Variants in DNAJC2 observed in about 807,000 individuals in gnomAD.
DNAJC2 encodes the protein DnaJ heat shock protein family (Hsp40) member C2, also known as dnaJ homolog subfamily C member 2.
DNAJC2 carries 32 observed loss-of-function variants against 94.0 expected under a neutral mutation model. The ratio of observed to expected loss-of-function variants is 0.34; its 90% CI spans 0.26 to 0.46. The LOEUF (loss-of-function observed/expected upper bound fraction) is 0.46, where lower values mean the gene tolerates loss of function less well. Among genes scored for constraint, DNAJC2 ranks in the 20% least tolerant of loss-of-function variants. The pLI is 1.00. For synonymous variants in DNAJC2, 210 were observed against 229.7 expected, an observed-to-expected ratio of 0.91 and a Z score of 0.77; for missense variants, 550 against 719.5, an observed-to-expected ratio of 0.76 and a Z score of 2.69.
intron 15 of DNAJC2, chr7:103,314,225 T>C (rs1817919751): frequency 7.1e-6 from 7 of 985,298 alleles, no homozygotes; most frequent in Non-Finnish European, 7.2e-6. Flanking sequence ...GGAAAAAAGA[T>C]GGAAGTGACA....
chr7:103,313,847 T>G (rs1333635922), intron 15 of DNAJC2: 8 of 985,248 alleles, frequency 8.1e-6, no homozygotes, highest in Non-Finnish European at 8.4e-6. Context: ...GAATGTTAAG[T>G]GGTAGAAAGC....
intron 15 of DNAJC2, 79 bp from the exon 16 acceptor site, chr7:103,313,180 T>G: frequency 1.3e-6 from 2 of 1,486,330 alleles, no homozygotes; most frequent in Non-Finnish European, 1.8e-6. Flanking sequence ...AAGTATTCGC[T>G]AAGTGCCCAT....
In DNAJC2 at chr7:103,326,775, G is replaced by C. The variant is rs1010076294; in HGVS notation, c.431-91C>G. 3.9e-6 allele frequency: 5 copies of C among 1,296,936 alleles called. No individual in the cohort carries two copies. In the African/African-American group the frequency reaches 7.6e-5, roughly 20 times the overall value. 80.3% of individuals were successfully genotyped at this position (1,296,936 alleles called of 1,614,324 possible). A position where few individuals can be genotyped will look rare whatever the true frequency, so the allele number is the denominator to read the frequency against. On this transcript the variant is annotated intron_variant, in intron 4 of 16. Transcript: ENST00000379263. ...GTATTTCCCTCCTTAAAACATAGAA[G>C]TCATTAATTTTCATATTTGAAAATT...
chr7:103,339,407 G>A (rs1020071072), intron 2 of DNAJC2, among the ~76,000 whole-genome samples: 1 of 152,038 alleles, frequency 6.6e-6, no homozygotes, highest in Admixed American at 6.5e-5. Flanking sequence ...GTCTTTTCCC[G>A]ACTCTGCCTT....
rs1428378870 is a variant in DNAJC2 at position 103,332,150 on chromosome 7, A to G, written c.332-4396T>C. ...CTCCCGAGTAGCTGGGACTACAGGC[A>G]CCCGCCACCACGCCTGCCTAATTTT... is the stretch of plus-strand genomic sequence containing the variant. On this transcript the variant is annotated intron_variant, in intron 3 of 16. Transcript: ENST00000379263. Among the ~76,000 whole-genome samples the G allele has an allele frequency of 6.6e-5, 10 of 151,752 alleles. No homozygotes were observed. The East Asian group carries it at 1.6e-3, about 24-fold the overall frequency.
rs1230212089 is a variant in DNAJC2, at chr7:103,317,175, T to TATG, written c.1243-162_1243-161insCAT. On this transcript the variant is annotated intron_variant, in intron 12 of 16. Transcript: ENST00000379263. ...CCAAAAAGAAGCACCAGCTTTTCAC[T>TATG]CTGGCTTCCAGTCTGCATAGGTCTG... 6.2e-6 allele frequency: 4 copies of TATG among 641,168 alleles called. No homozygotes were observed. In the Admixed American group the frequency reaches 1.2e-4, roughly 20 times the overall value. 39.7% of individuals were successfully genotyped at this position (641,168 alleles called of 1,614,324 possible). A position where few individuals can be genotyped will look rare whatever the true frequency, so the allele number is the denominator to read the frequency against.
At position 103,344,368 on chromosome 7, in the gene DNAJC2, C is replaced by T. The variant is rs917592799; in HGVS notation, c.64+191G>A. 3 of 615,804 alleles carry T rather than the reference C, an allele frequency of 4.9e-6. No individual in the cohort carries two copies. In the African/African-American group the frequency reaches 5.6e-5, roughly 11 times the overall value. 38.1% of individuals were successfully genotyped at this position (615,804 alleles called of 1,614,324 possible). A position where few individuals can be genotyped will look rare whatever the true frequency, so the allele number is the denominator to read the frequency against. On this transcript the variant is annotated intron_variant, in intron 1 of 16. Coordinates refer to ENST00000379263, the MANE Select transcript of DNAJC2 (RefSeq NM_014377.3). ...GTAGGAGCAAAAGGAAGGCACCCCT[C>T]ACCCTCCTTCCTTCTAATCTAGGGT...
intron 12 of DNAJC2, among the ~76,000 whole-genome samples, chr7:103,317,805 C>G (rs1284410788): frequency 6.6e-6 from 1 of 151,022 alleles, no homozygotes; most frequent in Non-Finnish European, 1.5e-5. Context: ...TGCCTGCCAC[C>G]ATGCCCAGCT....
chr7:103,323,787 C>CTT, intron 6 of DNAJC2, 124 bp from the exon 7 acceptor site: 1 of 720,224 alleles, frequency 1.4e-6, no homozygotes, highest in Non-Finnish European at 2.0e-6. Flanking sequence ...GAACTAAGGT[C>CTT]AAGTCTTTCT....
intron 4 of DNAJC2, 89 bp downstream of exon 4, chr7:103,327,567 G>A (rs1586094069): frequency 1.2e-6 from 1 of 836,720 alleles, no homozygotes; most frequent in East Asian, 2.6e-5. Flanking sequence ...ATAGTTGAAT[G>A]AACTACAGTA....
chr7:103,319,534 T>C (rs1379447733), intron 12 of DNAJC2, 75 bp downstream of exon 12: 19 of 1,346,128 alleles, frequency 1.4e-5, no homozygotes, highest in East Asian at 2.3e-5. Context: ...TGGTGACTTA[T>C]ATATTAGGTG....
In DNAJC2 at chr7:103,315,980, A is replaced by G. The variant is rs912887493; in HGVS notation, c.1528+8T>C. 2 of 1,588,714 alleles carry G rather than the reference A, an allele frequency of 1.3e-6. No individual in the cohort carries two copies. The highest frequency in any genetic ancestry group is 2.7e-5 in the African/African-American group (2 of 73,550). ...TTTAAAGTAACAAATGGACTTCTCA[A>G]AACTCACCAAGTTTTTGGAGACTCT... On this transcript the variant is annotated splice_region_variant and intron_variant, in intron 14 of 16. Coordinates refer to ENST00000379263, the MANE Select transcript of DNAJC2 (RefSeq NM_014377.3).
intron 3 of DNAJC2, among the ~76,000 whole-genome samples, chr7:103,334,194 G>T (rs1449449773): frequency 6.6e-6 from 1 of 151,790 alleles, no homozygotes; most frequent in African/African-American, 2.4e-5. Flanking sequence ...CTCGTGATCC[G>T]CCTGCCTTGG....
At chr7:103,329,097 G>A in intron 3 of DNAJC2, 3 of 727,466 alleles carry the variant, frequency 4.1e-6, no homozygotes, top group Non-Finnish European at 1.9e-6. Flanking sequence ...CAATTTTTTT[G>A]TTTTTCATCC....
In DNAJC2 at chr7:103,323,660, A is replaced by G. The variant is rs746606903; in HGVS notation, c.657T>C (p.Tyr219=). 4 of 1,424,552 alleles carry G rather than the reference A, an allele frequency of 2.8e-6. No homozygotes were observed. In the African/African-American group the frequency reaches 4.3e-5, roughly 15 times the overall value. 88.2% of individuals were successfully genotyped at this position (1,424,552 alleles called of 1,614,324 possible). The change falls in exon 7 of 17, where the codon TAT becomes TAC. Residue 219 remains tyrosine (Y), a synonymous_variant. Coordinates refer to ENST00000379263, the MANE Select transcript of DNAJC2 (RefSeq NM_014377.3). Reference sequence around the variant, plus strand: ...AAAATTCTCTCCAAGAATCAAAATTATACCTAATATAGACAGAAATAATAC... The same window carrying G: ...AAAATTCTCTCCAAGAATCAAAATTGTACCTAATATAGACAGAAATAATAC... ...EDVDIFYSFW[Y]NFDSWREFSY... is the part of the protein sequence containing the mutation.
At chr7:103,340,628 C>T (rs1819340225) in intron 2 of DNAJC2, among the ~76,000 whole-genome samples, 3 of 152,172 alleles carry the variant, frequency 2.0e-5, no homozygotes, top group Admixed American at 2.0e-4. Context: ...GGTCGAAGTG[C>T]ACCAAATGGC....
Position 103,312,990 on chromosome 7 carries a change from G to A in DNAJC2, c.1748C>T (p.Ala583Val), listed in dbSNP as rs1487632536. ...TPERWEKIAE[A>V]VPGRTKKDCM... ...GTCCTTCTTTGTCCTGCCAGGCACCGCTTCTGCTATTTTTTCCCATCTTTC... is the reference window on the plus strand; with the variant it reads ...GTCCTTCTTTGTCCTGCCAGGCACCACTTCTGCTATTTTTTCCCATCTTTC... The change falls in exon 16 of 17, where the codon GCG becomes GTG. Residue 583 changes from alanine to valine, a missense_variant. Physicochemically the swap from Ala to Val is moderately conservative, Grantham distance 64. This residue lies in a region of DNAJC2 where 271 missense variants were observed against 302.6 expected (regional missense o/e 0.90). Transcript: ENST00000379263. 7 of 1,613,908 alleles carry A rather than the reference G, an allele frequency of 4.3e-6. No individual in the cohort carries two copies. Among genetic ancestry groups the A allele is most frequent in the South Asian group, 2.2e-5 (2 of 91,064 alleles).
chr7:103,334,859 A>G (rs1481204863), intron 3 of DNAJC2, among the ~76,000 whole-genome samples: 1 of 152,162 alleles, frequency 6.6e-6, no homozygotes, highest in Non-Finnish European at 1.5e-5. Context: ...TTTTTGAGGC[A>G]GTTTCCCTCT....
At chr7:103,317,125 G>C in intron 12 of DNAJC2, 111 bp from the exon 13 acceptor site, 1 of 953,192 alleles carries the variant, frequency 1.0e-6, no homozygotes, top group South Asian at 1.6e-5. Flanking sequence ...TTCTCACTCT[G>C]ACCCCATACT....
Sources: allele counts gnomAD v4.1 joint callset (sites outside exome capture counted in the v4.1 genomes callset), GRCh38; gene constraint gnomAD v4.1.1; regional missense constraint gnomAD v4.1.1; transcripts MANE v1.5; gene names NCBI Gene and HGNC (gene_info 2026-07-23, HGNC 2026-07-21).